Variants in RGS12 observed in about 807,000 individuals in gnomAD.
RGS12 encodes the protein regulator of G protein signaling 12, also known as regulator of G-protein signaling 12.
Under a neutral mutation model 120.1 loss-of-function variants are expected in RGS12, and 66 were observed. The observed-to-expected ratio is 0.55, with a 90% CI of 0.45 to 0.67. The LOEUF is 0.67. Among genes scored for constraint, RGS12 ranks in the 30% least tolerant of loss-of-function variants. The pLI, the probability that RGS12 is intolerant of heterozygous loss-of-function variation, is 0.00. For missense variants in RGS12, 1,859 were observed against 1,957.7 expected (o/e 0.95, Z 0.95); for synonymous variants, 827 against 804.7 (o/e 1.03, Z -0.47).
upstream of RGS12, among the ~76,000 whole-genome samples, chr4:3,288,559 G>T (rs1193782261): frequency 1.3e-5 from 2 of 152,162 alleles, no homozygotes; most frequent in Non-Finnish European, 1.5e-5. This position sits in a 1 kb window ranked among gnomAD's most constrained non-coding sequence, Gnocchi z 5.2. Context: ...AGGACAGATG[G>T]GGTTTGGGTT....
At chr4:3,431,240 G>A (rs925768330) in intron 17 of RGS12, 33 of 1,301,474 alleles carry the variant, frequency 2.5e-5, no homozygotes, top group Non-Finnish European at 3.1e-5. Context: ...CCTGCAGCGA[G>A]GTCTGGGAAC....
In RGS12 at chr4:3,416,343, C is replaced by T. The variant is rs951136337; in HGVS notation, c.2427+222C>T. Among the ~76,000 whole-genome samples, 7 of 152,266 alleles carry T rather than the reference C, an allele frequency of 4.6e-5. No individual in the cohort carries two copies. In the East Asian group the frequency reaches 7.7e-4, roughly 17 times the overall value. ...CCATGAAATAAGTCCCGAACCACTG[C>T]GTGTCTGTCTGCAATGAGCCGGCTG... On this transcript the variant is annotated intron_variant, in intron 7 of 17. Transcript: ENST00000336727.
At chr4:3,431,047 CT>C in intron 17 of RGS12, 92 bp downstream of exon 17, 1 of 1,511,374 alleles carries the variant, frequency 6.6e-7, no homozygotes, top group East Asian at 2.4e-5. Context: ...CCGGCTGCCA[CT>C]GTTTGCTGGT....
intron 2 of RGS12, among the ~76,000 whole-genome samples, chr4:3,335,382 CAG>C (rs1239330883): frequency 6.6e-6 from 1 of 152,188 alleles, no homozygotes; most frequent in East Asian, 1.9e-4. Flanking sequence ...TCCTGCCGCA[CAG>C]AGTTTTGTAA....
intron 1 of RGS12, among the ~76,000 whole-genome samples, chr4:3,306,406 G>A (rs926810661): frequency 6.6e-6 from 1 of 152,238 alleles, no homozygotes; most frequent in Non-Finnish European, 1.5e-5. Flanking sequence ...CTCCACCATG[G>A]GGAGTGTGAG....
rs746633238 is a variant in RGS12 at position 3,416,173 on chromosome 4, A to G, written c.2427+52A>G. On this transcript the variant is annotated intron_variant, in intron 7 of 17. Coordinates refer to ENST00000336727, the MANE Select transcript of RGS12 (RefSeq NM_001394154.1). ...GGGAGTCCAGGCTAGGGCTCGGGGT[A>G]TAGGGTCCACCTTCAAAGAACACGT... 9 of 1,598,672 alleles carry G rather than the reference A, an allele frequency of 5.6e-6. No homozygotes were observed. The African/African-American group carries it at 6.7e-5, about 12-fold the overall frequency.
Position 3,430,693 on chromosome 4 carries a change from T to C in RGS12, c.3852T>C (p.Pro1284=). 1 of 1,578,180 alleles carries C rather than the reference T, an allele frequency of 6.3e-7. No homozygotes were observed. The highest frequency in any genetic ancestry group is 8.6e-7 in the Non-Finnish European group (1 of 1,161,946). Residue 1284 remains proline (P), a synonymous_variant, in exon 17 of 18, where the codon CCT becomes CCC. Coordinates refer to ENST00000336727, the MANE Select transcript of RGS12 (RefSeq NM_001394154.1). ...SPGSASSPPG[P]PGTTPPGQKS... is the part of the protein sequence containing the mutation. ...GCTCAGCCTCCAGCCCCCCTGGACCTCCTGGGACGACCCCCCCCGGGCAGA... is the reference window on the plus strand; with the variant it reads ...GCTCAGCCTCCAGCCCCCCTGGACCCCCTGGGACGACCCCCCCCGGGCAGA...
chr4:3,309,113 T>A (rs1303309094), intron 1 of RGS12, among the ~76,000 whole-genome samples: 34 of 78,106 alleles, frequency 4.4e-4, no homozygotes, highest in East Asian at 1.1e-3. Context: ...GGAACCGTGT[T>A]GAGGAGGAGC....
In RGS12 at chr4:3,411,584, C is replaced by A. The variant is rs183609859; in HGVS notation, c.2021-2488C>A. On this transcript the variant is annotated intron_variant, in intron 4 of 17. Transcript: ENST00000336727. ...ATAGGCAAGTATCGGCGTGATATGTCCATTTAGGGAGAATTCCTGTCTGTG... is the reference window on the plus strand; with the variant it reads ...ATAGGCAAGTATCGGCGTGATATGTACATTTAGGGAGAATTCCTGTCTGTG... 4.4e-4 allele frequency among the ~76,000 whole-genome samples: 67 copies of A among 152,338 alleles called. 1 individual carries two copies. In the East Asian group the frequency reaches 7.5e-3, roughly 17 times the overall value.
chr4:3,374,512 G>A lies in RGS12; in HGVS notation c.1999-11904G>A, dbSNP rs1467833960. The stretch of plus-strand genomic sequence containing the variant: ...CCACATCTTCTCACCGTCTCTCCTC[G>A]GACATCCAGGAGGCCCCTCAGACTT... On this transcript the variant is annotated intron_variant, in intron 3 of 17. Transcript: ENST00000336727. This position sits in a 1 kb window ranked among gnomAD's most constrained non-coding sequence, Gnocchi z 6.3. 1.3e-5 allele frequency among the ~76,000 whole-genome samples: 2 copies of A among 151,976 alleles called. No individual in the cohort carries two copies. Among genetic ancestry groups the A allele is most frequent in the Non-Finnish European group, 2.9e-5 (2 of 67,984 alleles).
At chr4:3,435,620 C>T (rs895870602) in intron 17 of RGS12, among the ~76,000 whole-genome samples, 5 of 151,962 alleles carry the variant, frequency 3.3e-5, no homozygotes, top group South Asian at 2.1e-4. Flanking sequence ...TGCCCAGCTC[C>T]GTGGCTCCCC....
chr4:3,383,432 C>T (rs912194025), intron 3 of RGS12, among the ~76,000 whole-genome samples: 1 of 152,000 alleles, frequency 6.6e-6, no homozygotes, highest in African/African-American at 2.4e-5. Context: ...CAGAATGAGA[C>T]CCCATCTCTA....
intron 3 of RGS12, among the ~76,000 whole-genome samples, chr4:3,353,232 A>G (rs1300372362): frequency 2.0e-5 from 3 of 152,178 alleles, no homozygotes; most frequent in African/African-American, 7.2e-5. Flanking sequence ...GGGCAGGACT[A>G]CAAACGTACA....
At chr4:3,320,025 G>T (rs1383281546) in intron 2 of RGS12, among the ~76,000 whole-genome samples, 1 of 152,240 alleles carries the variant, frequency 6.6e-6, no homozygotes, top group African/African-American at 2.4e-5. Flanking sequence ...ATCTCTTTGA[G>T]TACATATTTA....
intron 9 of RGS12, chr4:3,420,305 T>A (rs1482366931): frequency 2.6e-6 from 1 of 379,438 alleles, no homozygotes; most frequent in East Asian, 6.5e-5. Flanking sequence ...TGCACCTGGG[T>A]CTGTGCTGTG....
chr4:3,343,219 G>T, intron 3 of RGS12, 166 bp downstream of exon 3: 1 of 585,712 alleles, frequency 1.7e-6, no homozygotes. Context: ...GCACATTTGG[G>T]AACCTTTCTA....
At chr4:3,306,334 G>A (rs997699327) in intron 1 of RGS12, among the ~76,000 whole-genome samples, 1 of 152,230 alleles carries the variant, frequency 6.6e-6, no homozygotes, top group African/African-American at 2.4e-5. Flanking sequence ...GGCAGGAGGT[G>A]CGATGACGAT....
At chr4:3,373,265 CG>C (rs1717236229) in intron 3 of RGS12, among the ~76,000 whole-genome samples, 1 of 152,210 alleles carries the variant, frequency 6.6e-6, no homozygotes, top group Non-Finnish European at 1.5e-5. Flanking sequence ...CTACCACGGG[CG>C]GGCCGGCTGG....
rs80012975 is a variant in RGS12 at position 3,312,421 on chromosome 4, G to A, written c.-101-3649G>A. On this transcript the variant is annotated intron_variant, in intron 1 of 17. Transcript: ENST00000336727. ...TCTTCTCCTTGGCCCCTTTGCCCACGTGGTGAACACTGTGGACCTGTGAGG... is the reference window on the plus strand; with the variant it reads ...TCTTCTCCTTGGCCCCTTTGCCCACATGGTGAACACTGTGGACCTGTGAGG... 5.9e-3 allele frequency: 1,195 copies of A among 203,428 alleles called. 22 individuals carry two copies. Among genetic ancestry groups the A allele is most frequent in the African/African-American group, 0.026 (1,140 of 43,180 alleles). The allele number at this position is 203,428 out of a possible 1,614,324, so 12.6% of individuals were successfully genotyped here.
Sources: allele counts gnomAD v4.1 joint callset (sites outside exome capture counted in the v4.1 genomes callset), GRCh38; gene constraint gnomAD v4.1.1; non-coding constraint Gnocchi (gnomAD v3.1); transcripts MANE v1.5; gene names NCBI Gene and HGNC (gene_info 2026-07-23, HGNC 2026-07-21).